SLC2A2: variants seen among roughly 807,000 people sequenced by gnomAD.
The protein encoded by SLC2A2 is solute carrier family 2 member 2.
Under a neutral mutation model 54.5 loss-of-function variants are expected in SLC2A2, and 36 were observed. That is an observed-to-expected ratio of 0.66 (90% CI 0.51 to 0.87). The LOEUF (loss-of-function observed/expected upper bound fraction) is 0.87. SLC2A2 is among the 40% of genes least tolerant of loss of function. The probability of loss-of-function intolerance (pLI) is 0.00; values close to 1 mark genes in which losing one functional copy is unlikely to be tolerated. For synonymous variants in SLC2A2, 223 were observed against 219.1 expected (o/e 1.02, Z -0.16); for missense variants, 543 against 624.3 (o/e 0.87, Z 1.39).
chr3:171,021,931 G>T (rs1369660166), intron 1 of SLC2A2, among the ~76,000 whole-genome samples: 1 of 152,202 alleles, frequency 6.6e-6, no homozygotes, highest in African/African-American at 2.4e-5. Flanking sequence ...AGCTGGGAAA[G>T]TTCTTCCCTT....
intron 1 of SLC2A2, among the ~76,000 whole-genome samples, chr3:171,021,845 T>G (rs1356300878): frequency 6.6e-6 from 1 of 152,210 alleles, no homozygotes; most frequent in African/African-American, 2.4e-5. Context: ...GCTACTGGTA[T>G]CTTTCTTTCC....
Position 170,999,139 on chromosome 3 carries a change from G to A in SLC2A2, c.1096C>T (p.Arg366Cys), listed in dbSNP as rs1321655963. Residue 366 changes from arginine to cysteine, a missense_variant, in exon 9 of 11, where the codon CGT (arginine) becomes TGT (cysteine). By Grantham distance (180) the Arg-to-Cys change is radical. Around this residue, in one of 3 missense-constraint regions of SLC2A2, gnomAD observed 117 missense variants for 179.2 expected, o/e 0.65. Coordinates refer to ENST00000314251, the MANE Select transcript of SLC2A2 (RefSeq NM_000340.2). Reference protein sequence around the residue: ...SVFLVEKAGRRSLFLIGMSGM... With the variant: ...SVFLVEKAGRCSLFLIGMSGM... ...CTCATTCCAATTAGAAAGAGAGAAC[G>A]TCGCCCTGCCTTCTCCACAAGGAAT... The A allele has an allele frequency of 1.2e-6, 2 of 1,612,152 alleles. No individual in the cohort carries two copies.
At position 171,005,397 on chromosome 3, in the gene SLC2A2, G is replaced by C; in HGVS notation, c.851C>G (p.Ser284Trp). The change falls in exon 7 of 11, where the codon TCG (serine) becomes TGG (tryptophan). Residue 284 changes from serine to tryptophan, a missense_variant. Ser to Trp is a radical substitution (Grantham distance 177). This residue lies in a region of SLC2A2 where 318 missense variants were observed against 343.8 expected (regional missense o/e 0.93). Coordinates refer to ENST00000314251, the MANE Select transcript of SLC2A2 (RefSeq NM_000340.2). ...NEMRKEREEA[S>W]SEQKVSIIQL... Reference sequence around the variant, plus strand: ...AATTATAGAGACTTTCTGCTCACTCGATGCTTCTTCTCTTTCTTTTCTCAT... The same window carrying C: ...AATTATAGAGACTTTCTGCTCACTCCATGCTTCTTCTCTTTCTTTTCTCAT... 1.2e-6 allele frequency: 2 copies of C among 1,612,428 alleles called. No individual in the cohort carries two copies. Among genetic ancestry groups the C allele is most frequent in the Non-Finnish European group, 1.7e-6 (2 of 1,178,920 alleles).
At chr3:171,005,913 G>A in intron 6 of SLC2A2, 30 bp downstream of exon 6, 1 of 1,602,722 alleles carries the variant, frequency 6.2e-7, no homozygotes, top group Non-Finnish European at 8.5e-7. Flanking sequence ...CAAAACAATA[G>A]GAAGAAAGAA....
At chr3:171,000,125 A>C (rs1047187234) in intron 8 of SLC2A2, among the ~76,000 whole-genome samples, 8 of 152,206 alleles carry the variant, frequency 5.3e-5, no homozygotes, top group East Asian at 1.9e-4. Context: ...GGCTCTGAAG[A>C]CATCTTAGAA....
chr3:171,005,173 C>T, intron 7 of SLC2A2, 112 bp downstream of exon 7: 1 of 884,178 alleles, frequency 1.1e-6, no homozygotes, highest in South Asian at 1.4e-5. Flanking sequence ...TATAGCAAGA[C>T]CCATGATGCC....
intron 9 of SLC2A2, 151 bp downstream of exon 9, chr3:170,998,914 A>G (rs1576823709): frequency 2.8e-6 from 2 of 702,588 alleles, no homozygotes; most frequent in East Asian, 2.6e-5. Context: ...TTTTCTTTAT[A>G]TATCTCCTTT....
intron 1 of SLC2A2, among the ~76,000 whole-genome samples, chr3:171,019,207 G>A (rs950956845): frequency 6.8e-6 from 1 of 147,610 alleles, no homozygotes; most frequent in Non-Finnish European, 1.5e-5. Flanking sequence ...AGCTGCTGAC[G>A]GAAGGGAGCC....
intron 3 of SLC2A2, among the ~76,000 whole-genome samples, chr3:171,013,135 CTTAAT>C (rs1216000086): frequency 1.3e-5 from 2 of 151,978 alleles, no homozygotes; most frequent in African/African-American, 2.4e-5. Context: ...TTTAATTTTG[CTTAAT>C]TTGATTTACT....
In SLC2A2 at chr3:171,007,170, A is replaced by T; in HGVS notation, c.590T>A (p.Val197Asp). Residue 197 changes from valine to aspartate, a missense_variant, in exon 5 of 11, where the codon GTC (valine) becomes GAC (aspartate). Val to Asp is a radical substitution (Grantham distance 152). Coordinates refer to ENST00000314251, the MANE Select transcript of SLC2A2 (RefSeq NM_000340.2). Reference protein sequence around the residue: ...ALGTFHQLAIVTGILISQIIG... With the variant: ...ALGTFHQLAIDTGILISQIIG... ...TACCTGACTAATAAGAATGCCCGTG[A>T]CGATGGCCAGCTGATGAAAAGTGCC... 1 of 1,611,634 alleles carries T rather than the reference A, an allele frequency of 6.2e-7. No homozygotes were observed. Among genetic ancestry groups the T allele is most frequent in the Middle Eastern group, 1.7e-4 (1 of 6,056 alleles).
rs192720796 is a variant in SLC2A2 at position 171,009,993 on chromosome 3, A to T, written c.461T>A (p.Ile154Lys). The T allele has an allele frequency of 4.3e-6, 7 of 1,611,686 alleles. No individual in the cohort carries two copies. The highest frequency in any genetic ancestry group is 1.3e-5 in the African/African-American group (1 of 74,850). Reference protein sequence around the residue: ...FSKLGPSHILIIAGRSISGLY... With the variant: ...FSKLGPSHILKIAGRSISGLY... ...TCCTGATATGCTTCTTCCAGCAATT[A>T]TAAGTATATGAGATGGTCCCAATTT... The change falls in exon 4 of 11, where the codon ATA becomes AAA. Residue 154 changes from isoleucine (I) to lysine (K), a missense_variant. Ile to Lys is a moderately radical substitution (Grantham distance 102). Transcript: ENST00000314251.
At chr3:171,026,368 C>CTTTT (rs58089695) in intron 1 of SLC2A2, among the ~76,000 whole-genome samples, 4 of 117,534 alleles carry the variant, frequency 3.4e-5, no homozygotes, top group Non-Finnish European at 5.3e-5. Flanking sequence ...AATCTGCCCC[C>CTTTT]TTTTTTTTTT....
intron 9 of SLC2A2, 72 bp downstream of exon 9, chr3:170,998,993 T>C: frequency 1.1e-6 from 1 of 951,906 alleles, no homozygotes; most frequent in East Asian, 2.4e-5. Flanking sequence ...CAAAGCACTT[T>C]AACCTGGACC....
intron 9 of SLC2A2, 87 bp from the exon 10 acceptor site, chr3:170,998,483 G>T: frequency 1.0e-6 from 1 of 981,254 alleles, no homozygotes; most frequent in Non-Finnish European, 1.6e-6. Context: ...TTCACAGGCG[G>T]CATACAACTT....
intron 7 of SLC2A2, among the ~76,000 whole-genome samples, chr3:171,004,450 T>C (rs1288039157): frequency 6.6e-6 from 1 of 151,994 alleles, no homozygotes; most frequent in East Asian, 1.9e-4. Context: ...TTTCAATGGA[T>C]GGGAATTACT....
chr3:171,025,629 C>G (rs1189968097), intron 1 of SLC2A2, among the ~76,000 whole-genome samples: 1 of 152,094 alleles, frequency 6.6e-6, no homozygotes, highest in African/African-American at 2.4e-5. Context: ...TTGCTAGAAC[C>G]CAGATCCAAG....
chr3:171,020,951 C>A (rs1010187235), intron 1 of SLC2A2, among the ~76,000 whole-genome samples: 14 of 150,738 alleles, frequency 9.3e-5, no homozygotes, highest in Non-Finnish European at 1.9e-4. Context: ...TTATATATAT[C>A]ATTTATATCT....
At chr3:171,016,905 G>A (rs994491647) in intron 2 of SLC2A2, among the ~76,000 whole-genome samples, 4 of 148,224 alleles carry the variant, frequency 2.7e-5, no homozygotes, top group African/African-American at 7.5e-5. Context: ...CCAGGCTGAA[G>A]TGCAATGTGC....
rs986743874 is a variant in SLC2A2 at position 170,999,306 on chromosome 3, G to C, written c.1069-140C>G. 3.6e-5 allele frequency: 25 copies of C among 696,826 alleles called. No individual in the cohort carries two copies. The East Asian group carries it at 5.3e-4, about 15-fold the overall frequency. The allele number at this position is 696,826 out of a possible 1,614,324, so 43.2% of individuals were successfully genotyped here. A position where few individuals can be genotyped will look rare whatever the true frequency, so the allele number is the denominator to read the frequency against. ...GCAATTCCATCCTTCCATTTTACAG[G>C]AGTGAGATCAAGGTGGGGAGTGACT... On this transcript the variant is annotated intron_variant, in intron 8 of 10. Transcript: ENST00000314251.
Sources: allele counts gnomAD v4.1 joint callset (sites outside exome capture counted in the v4.1 genomes callset), GRCh38; gene constraint gnomAD v4.1.1; regional missense constraint gnomAD v4.1.1; transcripts MANE v1.5; gene names NCBI Gene and HGNC (gene_info 2026-07-23, HGNC 2026-07-21).